Variants in ST8SIA4 observed in about 807,000 individuals in gnomAD.
ST8SIA4 encodes the protein ST8 alpha-N-acetyl-neuraminide alpha-2,8-sialyltransferase 4, also known as CMP-N-acetylneuraminate-poly-alpha-2,8-sialyltransferase.
A neutral mutation model predicts 33.9 loss-of-function variants in ST8SIA4; 15 were observed. The ratio of observed to expected loss-of-function variants is 0.44; its 90% CI spans 0.30 to 0.68. ST8SIA4 has a LOEUF of 0.68. Among genes scored for constraint, ST8SIA4 ranks in the 30% least tolerant of loss-of-function variants. The pLI is 0.10. For missense variants in ST8SIA4, 321 were observed against 428.0 expected (o/e 0.75, Z 2.21); for synonymous variants, 171 against 151.2 (o/e 1.13, Z -0.96).
At chr5:100,871,688 A>G (rs1752200804) in intron 3 of ST8SIA4, among the ~76,000 whole-genome samples, 1 of 152,150 alleles carries the variant, frequency 6.6e-6, no homozygotes, top group South Asian at 2.1e-4. Flanking sequence ...TGCAGTGCCA[A>G]TTTTAAGTTT....
chr5:100,847,337 T>A (rs1215091481), intron 4 of ST8SIA4, among the ~76,000 whole-genome samples: 1 of 152,080 alleles, frequency 6.6e-6, no homozygotes, highest in African/African-American at 2.4e-5. Flanking sequence ...GAGTGACTAA[T>A]AAACTTGATT....
chr5:100,882,083 G>A (rs1361216123), intron 3 of ST8SIA4, among the ~76,000 whole-genome samples: 2 of 152,204 alleles, frequency 1.3e-5, no homozygotes, highest in African/African-American at 4.8e-5. Context: ...ACAGGCAGAG[G>A]TTGCAACAGT....
At chr5:100,901,534 G>A (rs1752913446) in intron 1 of ST8SIA4, among the ~76,000 whole-genome samples, 1 of 152,154 alleles carries the variant, frequency 6.6e-6, no homozygotes. Flanking sequence ...GAGCTAGATT[G>A]GATTTTCAAG....
chr5:100,859,050 G>C (rs1391863930), intron 3 of ST8SIA4, among the ~76,000 whole-genome samples: 1 of 151,940 alleles, frequency 6.6e-6, no homozygotes, highest in East Asian at 1.9e-4. Context: ...CAGATTTTTA[G>C]TCATATAATT....
At chr5:100,828,261 A>G (rs192394842) in intron 4 of ST8SIA4, among the ~76,000 whole-genome samples, 2 of 152,296 alleles carry the variant, frequency 1.3e-5, no homozygotes, top group East Asian at 1.9e-4. Flanking sequence ...GCTGATGAGT[A>G]ATAAATTGAT....
chr5:100,902,447 C>T (rs750559359), intron 1 of ST8SIA4, among the ~76,000 whole-genome samples: 24 of 152,144 alleles, frequency 1.6e-4, no homozygotes, highest in Non-Finnish European at 2.9e-4. Flanking sequence ...GAGAAACCAT[C>T]TATCTCCAGT....
chr5:100,815,702 G>T (rs983922170), intron 4 of ST8SIA4, among the ~76,000 whole-genome samples: 3 of 151,964 alleles, frequency 2.0e-5, no homozygotes, highest in East Asian at 1.9e-4. Flanking sequence ...CTGAAAATTT[G>T]GAATGTCTCT....
chr5:100,849,373 C>A (rs1751636345), intron 4 of ST8SIA4: 2 of 985,332 alleles, frequency 2.0e-6, no homozygotes, highest in Non-Finnish European at 2.4e-6. Flanking sequence ...CAAATTTCTG[C>A]GTAATTCTTC....
intron 1 of ST8SIA4, among the ~76,000 whole-genome samples, chr5:100,897,342 T>C (rs1017254495): frequency 1.3e-5 from 2 of 152,200 alleles, no homozygotes; most frequent in African/African-American, 4.8e-5. Context: ...TCTGAATAAA[T>C]TCATTATTCA....
At chr5:100,837,030 A>ACC (rs376035660) in intron 4 of ST8SIA4, among the ~76,000 whole-genome samples, 5 of 139,936 alleles carry the variant, frequency 3.6e-5, no homozygotes, top group Admixed American at 1.4e-4. Flanking sequence ...ACACACACAC[A>ACC]CCGTAATACC....
chr5:100,888,211 A>C (rs906059114), intron 2 of ST8SIA4, among the ~76,000 whole-genome samples: 8 of 151,442 alleles, frequency 5.3e-5, no homozygotes, highest in African/African-American at 1.5e-4. Flanking sequence ...AAAAAAAAAA[A>C]AACATATATA....
At chr5:100,840,626 T>G (rs1751452077) in intron 4 of ST8SIA4, among the ~76,000 whole-genome samples, 1 of 151,818 alleles carries the variant, frequency 6.6e-6, no homozygotes, top group African/African-American at 2.4e-5. Context: ...CAAAGTCATT[T>G]CTTAACACAC....
intron 3 of ST8SIA4, among the ~76,000 whole-genome samples, chr5:100,867,116 G>A (rs1481862614): frequency 6.6e-6 from 1 of 151,914 alleles, no homozygotes; most frequent in Non-Finnish European, 1.5e-5. Flanking sequence ...TCGATACTAG[G>A]TATACCCTCA....
intron 4 of ST8SIA4, among the ~76,000 whole-genome samples, chr5:100,850,291 T>C (rs1477553572): frequency 6.6e-6 from 1 of 152,144 alleles, no homozygotes; most frequent in Admixed American, 6.5e-5. Flanking sequence ...TGAGTACTCA[T>C]TCCAAGTGTT....
rs565120681 is a variant in ST8SIA4 at position 100,893,850 on chromosome 5, T to C, written c.245+1804A>G. ...GATCTCTATAGCCTTAATTGGCTCC[T>C]TTCTTGCTAAGCCATCCAATTTGAA... is the stretch of plus-strand genomic sequence containing the variant. On this transcript the variant is annotated intron_variant, in intron 2 of 4. Coordinates refer to ENST00000231461, the MANE Select transcript of ST8SIA4 (RefSeq NM_005668.6). Among the ~76,000 whole-genome samples, 6 of 152,276 alleles carry C rather than the reference T, an allele frequency of 3.9e-5. No homozygotes were observed. In the South Asian group the frequency reaches 8.3e-4, roughly 21 times the overall value.
intron 4 of ST8SIA4, among the ~76,000 whole-genome samples, chr5:100,841,697 C>T (rs1751474705): frequency 6.6e-6 from 1 of 151,802 alleles, no homozygotes; most frequent in Admixed American, 6.6e-5. Context: ...ACCTAGACAC[C>T]CTCCACTGGT....
At position 100,840,179 on chromosome 5, in the gene ST8SIA4, T is replaced by C. The variant is rs148375677; in HGVS notation, c.797+15924A>G. Among the ~76,000 whole-genome samples the C allele has an allele frequency of 1.2e-4, 18 of 151,960 alleles. No individual in the cohort carries two copies. In the East Asian group the frequency reaches 3.1e-3, roughly 26 times the overall value. ...TCAAATGTGTTTAGATTTCTCCAAGTTCTTATAAATTTCCTTTCACCCTTT... is the reference window on the plus strand; with the variant it reads ...TCAAATGTGTTTAGATTTCTCCAAGCTCTTATAAATTTCCTTTCACCCTTT... On this transcript the variant is annotated intron_variant, in intron 4 of 4. Coordinates refer to ENST00000231461, the MANE Select transcript of ST8SIA4 (RefSeq NM_005668.6).
intron 2 of ST8SIA4, among the ~76,000 whole-genome samples, chr5:100,890,313 A>T (rs1413915774): frequency 1.3e-5 from 2 of 152,024 alleles, no homozygotes; most frequent in Non-Finnish European, 2.9e-5. Context: ...ATGAAAAAAA[A>T]TTCAAGTATA....
In ST8SIA4 at chr5:100,811,874, C is replaced by G; in HGVS notation, c.1053G>C (p.Leu351=). 6.2e-7 allele frequency: 1 copy of G among 1,612,288 alleles called. No individual in the cohort carries two copies. Among genetic ancestry groups the G allele is most frequent in the Non-Finnish European group, 8.5e-7 (1 of 1,179,264 alleles). Residue 351 remains leucine (L), a synonymous_variant, in exon 5 of 5, where the codon CTG becomes CTC. Transcript: ENST00000231461. ...NVLHNRGALK[L]TTGKCVKQ is the part of the protein sequence containing the mutation. ...ATTGCTTTACACACTTTCCTGTTGT[C>G]AGTTTTAGAGCTCCTCTATTATGTA... is the stretch of plus-strand genomic sequence containing the variant.
Sources: allele counts gnomAD v4.1 joint callset (sites outside exome capture counted in the v4.1 genomes callset), GRCh38; gene constraint gnomAD v4.1.1; transcripts MANE v1.5; gene names NCBI Gene and HGNC (gene_info 2026-07-23, HGNC 2026-07-21).